The following GPATCH1 variants were observed in gnomAD, a reference collection of about 807,000 sequenced individuals.
The protein encoded by GPATCH1 is G patch domain-containing protein 1.
Under a neutral mutation model 114.9 loss-of-function variants are expected in GPATCH1, and 73 were observed. The ratio of observed to expected loss-of-function variants is 0.64; its 90% CI spans 0.53 to 0.77. GPATCH1 has a LOEUF of 0.77. Among genes scored for constraint, GPATCH1 ranks in the 30% least tolerant of loss-of-function variants. GPATCH1 has a pLI of 0.00. For synonymous variants in GPATCH1, 391 were observed against 428.4 expected (o/e 0.91, Z 1.08); for missense variants, 1,058 against 1,144.3 (o/e 0.92, Z 1.09).
At chr19:33,120,591 G>A (rs986881966) in intron 17 of GPATCH1, among the ~76,000 whole-genome samples, 1 of 149,378 alleles carries the variant, frequency 6.7e-6, no homozygotes, top group Non-Finnish European at 1.5e-5. Flanking sequence ...GGGTGCGGTG[G>A]CTCATACTTG....
chr19:33,107,681 C>T (rs1273295483), intron 10 of GPATCH1, among the ~76,000 whole-genome samples: 1 of 152,098 alleles, frequency 6.6e-6, no homozygotes, highest in Non-Finnish European at 1.5e-5. Context: ...ATGGGGAACT[C>T]AATAGGTGTC....
rs182380808 is a variant in GPATCH1 at position 33,105,949 on chromosome 19, G to C, written c.1081-746G>C. ...TGCGACCTCTGCCTCCCGGGTTTAC[G>C]CGACTCTCCTGCCTCAGCACCCCCG... On this transcript the variant is annotated intron_variant, in intron 9 of 19. Coordinates refer to ENST00000170564, the MANE Select transcript of GPATCH1 (RefSeq NM_018025.3). Among the ~76,000 whole-genome samples, 243 of 151,866 alleles carry C rather than the reference G, an allele frequency of 1.6e-3. 1 individual carries two copies. The highest frequency in any genetic ancestry group is 5.7e-3 in the African/African-American group (236 of 41,414).
At chr19:33,120,532 G>C (rs1485252583) in intron 17 of GPATCH1, among the ~76,000 whole-genome samples, 1 of 133,276 alleles carries the variant, frequency 7.5e-6, no homozygotes, top group Non-Finnish European at 1.5e-5. Context: ...CTGGGTGACA[G>C]AGCAAGACTC....
chr19:33,122,625 C>T (rs1972998618), intron 17 of GPATCH1, among the ~76,000 whole-genome samples: 1 of 152,096 alleles, frequency 6.6e-6, no homozygotes, highest in Admixed American at 6.6e-5. Context: ...GCCCGGCCGG[C>T]TCTTTAGTTT....
chr19:33,125,223 C>T, intron 18 of GPATCH1, 21 bp downstream of exon 18: 1 of 1,577,890 alleles, frequency 6.3e-7, no homozygotes, highest in Non-Finnish European at 8.6e-7. Context: ...TGTGTGTACC[C>T]CAGGATCAGT....
rs1469243519 is a variant in GPATCH1, at chr19:33,127,748, A to G, written c.2765+1015A>G. On this transcript the variant is annotated intron_variant, in intron 19 of 19. Transcript: ENST00000170564. ...TTTTTTAGACGAGTCTCGTTCTGTC[A>G]CCCAGGCTGGAGTGCAGTGGTGCGA... Among the ~76,000 whole-genome samples the G allele has an allele frequency of 2.6e-5, 4 of 152,086 alleles. No homozygotes were observed. The East Asian group carries it at 5.8e-4, about 22-fold the overall frequency.
chr19:33,119,198 A>G, intron 17 of GPATCH1, 81 bp downstream of exon 17: 1 of 648,614 alleles, frequency 1.5e-6, no homozygotes. Context: ...CTTAGAGCCG[A>G]CCAAACATAC....
intron 15 of GPATCH1, among the ~76,000 whole-genome samples, chr19:33,115,787 G>A (rs1011316467): frequency 3.3e-5 from 5 of 152,004 alleles, no homozygotes; most frequent in African/African-American, 9.7e-5. Context: ...AAGCCACCGC[G>A]CCTGGCTAAA....
In GPATCH1 at chr19:33,126,664, G is replaced by C. The variant is rs922941907; in HGVS notation, c.2696G>C (p.Ser899Thr). The C allele has an allele frequency of 6.2e-7, 1 of 1,614,178 alleles. No individual in the cohort carries two copies. The highest frequency in any genetic ancestry group is 8.5e-7 in the Non-Finnish European group (1 of 1,180,020). ...CCAGAGAAAAGTAGTAGCTCCGAGA[G>C]TTCCGACAGCAGCGACAGCCAGAGT... The part of the protein sequence containing the change: ...KKPEKSSSSE[S>T]SDSSDSQSDE... Residue 899 changes from serine to threonine, a missense_variant, in exon 19 of 20, where the codon AGT (serine) becomes ACT (threonine). Physicochemically the swap from Ser to Thr is moderately conservative, Grantham distance 58 (BLOSUM62 1). Coordinates refer to ENST00000170564, the MANE Select transcript of GPATCH1 (RefSeq NM_018025.3).
intron 3 of GPATCH1, among the ~76,000 whole-genome samples, chr19:33,093,036 C>A (rs6510344): frequency 0.57 from 85,885 of 151,722 alleles, 29,113 homozygotes; most frequent in East Asian, 0.99. Flanking sequence ...TAAAAACAAA[C>A]AGCTAGCCAG....
At chr19:33,090,982 G>C (rs77524855) in intron 3 of GPATCH1, 117 bp downstream of exon 3, 7 of 670,836 alleles carry the variant, frequency 1.0e-5, no homozygotes, top group Non-Finnish European at 1.9e-5. Context: ...TGTTTGTAAG[G>C]CTTTATCTTT....
intron 2 of GPATCH1, among the ~76,000 whole-genome samples, chr19:33,090,128 C>T (rs914578026): frequency 2.0e-5 from 3 of 152,126 alleles, no homozygotes; most frequent in Non-Finnish European, 4.4e-5. Context: ...CATATGTGAC[C>T]TCCAGAGCAT....
chr19:33,091,143 G>A (rs1487041505), intron 3 of GPATCH1, among the ~76,000 whole-genome samples: 2 of 152,030 alleles, frequency 1.3e-5, no homozygotes, highest in African/African-American at 4.8e-5. Flanking sequence ...TGGGTGCGGT[G>A]GCTCACGCCT....
At chr19:33,119,540 A>T (rs553250488) in intron 17 of GPATCH1, among the ~76,000 whole-genome samples, 1 of 152,140 alleles carries the variant, frequency 6.6e-6, no homozygotes, top group African/African-American at 2.4e-5. Flanking sequence ...TCTACTAAAA[A>T]TACAAAAATT....
intron 15 of GPATCH1, among the ~76,000 whole-genome samples, chr19:33,116,350 C>T (rs1972915554): frequency 6.6e-6 from 1 of 152,294 alleles, no homozygotes; most frequent in South Asian, 2.1e-4. Context: ...CCTTGAAGTT[C>T]CACGTTCCCC....
At chr19:33,102,379 T>C (rs529476645) in intron 9 of GPATCH1, among the ~76,000 whole-genome samples, 1 of 147,106 alleles carries the variant, frequency 6.8e-6, no homozygotes, top group African/African-American at 2.5e-5. Context: ...TACATTGTGA[T>C]AAAAATATCT....
chr19:33,107,522 C>T (rs1458604686), intron 10 of GPATCH1, among the ~76,000 whole-genome samples: 1 of 152,270 alleles, frequency 6.6e-6, no homozygotes, highest in South Asian at 2.1e-4. Flanking sequence ...TCCTGGGGAT[C>T]GCATTGTGTA....
intron 15 of GPATCH1, among the ~76,000 whole-genome samples, chr19:33,117,273 C>G (rs948785063): frequency 2.6e-5 from 4 of 152,072 alleles, no homozygotes; most frequent in Non-Finnish European, 2.9e-5. Context: ...AAGATTTTTA[C>G]TTGGTCTTTG....
chr19:33,090,886 T>C (rs1429512225), intron 3 of GPATCH1, 21 bp downstream of exon 3: 1 of 1,510,852 alleles, frequency 6.6e-7, no homozygotes, highest in Non-Finnish European at 9.2e-7. Flanking sequence ...AAAACTTTAA[T>C]TGCCAATTAG....
Sources: allele counts gnomAD v4.1 joint callset (sites outside exome capture counted in the v4.1 genomes callset), GRCh38; gene constraint gnomAD v4.1.1; transcripts MANE v1.5; gene names NCBI Gene and HGNC (gene_info 2026-07-23, HGNC 2026-07-21).